The following KIF26B variants were observed in gnomAD, a reference collection of about 807,000 sequenced individuals.
KIF26B encodes kinesin-like protein KIF26B.
A neutral mutation model predicts 151.2 loss-of-function variants in KIF26B; 63 were observed. That is an observed-to-expected ratio of 0.42 (90% CI 0.34 to 0.51). The LOEUF (loss-of-function observed/expected upper bound fraction) is 0.51. Among genes scored for constraint, KIF26B ranks in the 20% least tolerant of loss-of-function variants. The pLI is 0.07. For synonymous variants in KIF26B, 1,357 were observed against 1,262.1 expected, an observed-to-expected ratio of 1.08 and a Z score of -1.59; for missense variants, 2,813 against 2,913.6, an observed-to-expected ratio of 0.97 and a Z score of 0.79.
chr1:245,557,301 A>G (rs1190667779), intron 5 of KIF26B, among the ~76,000 whole-genome samples: 1 of 152,206 alleles, frequency 6.6e-6, no homozygotes, highest in Non-Finnish European at 1.5e-5. Context: ...TTGAAGGCTA[A>G]GGTCATCCAG....
intron 5 of KIF26B, among the ~76,000 whole-genome samples, chr1:245,571,585 T>C (rs1350903710): frequency 2.0e-5 from 3 of 152,222 alleles, no homozygotes; most frequent in Admixed American, 2.0e-4. Context: ...TCAGGCTCTC[T>C]AAACACTTTA....
rs181931582 is a variant in KIF26B at position 245,487,694 on chromosome 1, C to T, written c.1167-53073C>T. On this transcript the variant is annotated intron_variant, in intron 4 of 14. Transcript: ENST00000407071. Reference sequence around the variant, plus strand: ...CAGCTCACTGCAGCCTGGACCTCGGCTCAGGTGATTCTCCTACCTACGCCT... The same window carrying T: ...CAGCTCACTGCAGCCTGGACCTCGGTTCAGGTGATTCTCCTACCTACGCCT... 1.1e-3 allele frequency among the ~76,000 whole-genome samples: 173 copies of T among 151,996 alleles called. 2 individuals carry two copies. The highest frequency in any genetic ancestry group is 3.6e-3 in the African/African-American group (149 of 41,442).
intron 5 of KIF26B, among the ~76,000 whole-genome samples, chr1:245,593,134 G>C (rs1179899938): frequency 6.6e-6 from 1 of 152,134 alleles, no homozygotes; most frequent in Non-Finnish European, 1.5e-5. Flanking sequence ...TACCAGAAAA[G>C]TATTCAAATC....
intron 4 of KIF26B, among the ~76,000 whole-genome samples, chr1:245,473,330 G>T (rs555259979): frequency 4.1e-4 from 62 of 152,264 alleles, no homozygotes; most frequent in East Asian, 3.9e-4. Flanking sequence ...TGATGTTTCT[G>T]ATTTACCTGA....
At chr1:245,388,310 G>A (rs1366164778) in intron 3 of KIF26B, among the ~76,000 whole-genome samples, 1 of 152,130 alleles carries the variant, frequency 6.6e-6, no homozygotes, top group Admixed American at 6.5e-5. Flanking sequence ...AATAGGAAAA[G>A]TACATAAAAT....
At chr1:245,409,683 C>G (rs1191386792) in intron 3 of KIF26B, among the ~76,000 whole-genome samples, 1 of 152,194 alleles carries the variant, frequency 6.6e-6, no homozygotes, top group African/African-American at 2.4e-5. Flanking sequence ...ACGTCCAGCC[C>G]TGGGACATAA....
At chr1:245,697,422 G>C (rs568882048) in intron 12 of KIF26B, among the ~76,000 whole-genome samples, 28 of 152,310 alleles carry the variant, frequency 1.8e-4, no homozygotes, top group African/African-American at 6.3e-4. Context: ...CGTAACCAGT[G>C]CATGTGAGTG....
At chr1:245,366,174 T>C (rs1234702722) in intron 2 of KIF26B, among the ~76,000 whole-genome samples, 1 of 152,188 alleles carries the variant, frequency 6.6e-6, no homozygotes, top group Non-Finnish European at 1.5e-5. Flanking sequence ...CAAATGTTTG[T>C]TCCTTCTGAT....
intron 4 of KIF26B, among the ~76,000 whole-genome samples, chr1:245,520,692 C>T (rs1442962706): frequency 6.6e-6 from 1 of 151,992 alleles, no homozygotes; most frequent in East Asian, 1.9e-4. Flanking sequence ...GTATCCACTG[C>T]ATAGCATGCA....
rs35663208 is a variant in KIF26B at position 245,679,457 on chromosome 1, G to GTTT, written c.2259-4749_2259-4747dup. Among the ~76,000 whole-genome samples the GTTT allele has an allele frequency of 5.1e-3, 302 of 59,210 alleles. 38 individuals carry two copies. Among genetic ancestry groups the GTTT allele is most frequent in the African/African-American group, 0.01 (173 of 16,824 alleles). 38.8% of individuals were successfully genotyped at this position (59,210 alleles called of 152,430 possible). On this transcript the variant is annotated intron_variant, in intron 10 of 14. Transcript: ENST00000407071. ...GGTTTTTTGTGTTTTTTTTGTGTGT[G>GTTT]TTTTTTTTTTTTTTTTTTTTTTTTT...
Position 245,371,674 on chromosome 1 carries a change from G to A in KIF26B, c.999+4307G>A, listed in dbSNP as rs186510155. ...GTCCCTCGAATCCCTCAATCCCCGT[G>A]GCCCGCACCACTGTGTAATAATCTC... On this transcript the variant is annotated intron_variant, in intron 3 of 14. Coordinates refer to ENST00000407071, the MANE Select transcript of KIF26B (RefSeq NM_018012.4). 3.3e-5 allele frequency: 5 copies of A among 152,258 alleles called. No homozygotes were observed. In the East Asian group the frequency reaches 9.7e-4, roughly 29 times the overall value. 9.4% of individuals were successfully genotyped at this position (152,258 alleles called of 1,614,324 possible).
At chr1:245,261,493 CT>C (rs1670641021) in intron 2 of KIF26B, among the ~76,000 whole-genome samples, 29 of 119,896 alleles carry the variant, frequency 2.4e-4, no homozygotes, top group Admixed American at 4.8e-4. Flanking sequence ...CTCTCTCTCT[CT>C]CTCTCTCTCC....
intron 4 of KIF26B, among the ~76,000 whole-genome samples, chr1:245,486,692 C>T (rs1257446683): frequency 6.6e-6 from 1 of 151,812 alleles, no homozygotes; most frequent in African/African-American, 2.4e-5. Context: ...TTTTTTGGGA[C>T]GAGGTCTCGC....
intron 2 of KIF26B, among the ~76,000 whole-genome samples, chr1:245,303,404 T>C (rs994455171): frequency 3.3e-5 from 5 of 151,610 alleles, no homozygotes; most frequent in Admixed American, 2.0e-4. Flanking sequence ...TTCACCGTGT[T>C]AGCCAGGATG....
intron 10 of KIF26B, among the ~76,000 whole-genome samples, chr1:245,659,409 C>T (rs933044635): frequency 4.6e-5 from 7 of 152,094 alleles, no homozygotes; most frequent in Admixed American, 2.6e-4. Flanking sequence ...CCTTTGTGCC[C>T]GCAGGCTTCC....
intron 9 of KIF26B, among the ~76,000 whole-genome samples, chr1:245,636,886 C>G (rs28863012): frequency 2.1e-5 from 3 of 140,010 alleles, no homozygotes; most frequent in Non-Finnish European, 4.6e-5. Context: ...GTGTGTGTAT[C>G]TATCTCACAT....
rs368004322 is a variant in KIF26B at position 245,698,855 on chromosome 1, A to G, written c.6028-32A>G. 43 of 1,603,482 alleles carry G rather than the reference A, an allele frequency of 2.7e-5. No homozygotes were observed. Among genetic ancestry groups the G allele is most frequent in the Non-Finnish European group, 3.6e-5 (42 of 1,172,962 alleles). ...GTGGTGTGGGCTGGGTGTGAGCAGA[A>G]GGGCCCTTTCTCCTCTCTGTCTGTG... On this transcript the variant is annotated intron_variant, in intron 13 of 14. Coordinates refer to ENST00000407071, the MANE Select transcript of KIF26B (RefSeq NM_018012.4). This position sits in a 1 kb window ranked among gnomAD's most constrained non-coding sequence, Gnocchi z 4.0.
At chr1:245,530,010 G>A (rs570639935) in intron 4 of KIF26B, among the ~76,000 whole-genome samples, 1 of 152,276 alleles carries the variant, frequency 6.6e-6, no homozygotes, top group Non-Finnish European at 1.5e-5. Context: ...TTAAAAATGG[G>A]CAAAAGATCT....
intron 4 of KIF26B, among the ~76,000 whole-genome samples, chr1:245,466,206 TG>T (rs1659787233): frequency 2.0e-5 from 3 of 152,158 alleles, no homozygotes; most frequent in African/African-American, 7.2e-5. Context: ...TTTGTTTGTT[TG>T]TTTGTTTCCC....
Sources: gnomAD v4.1 joint callset for allele counts (sites outside exome capture counted in the v4.1 genomes callset) on GRCh38, gnomAD v4.1.1 for gene constraint, Gnocchi (gnomAD v3.1) non-coding constraint, MANE v1.5 for transcripts, NCBI Gene and HGNC (gene_info 2026-07-23, HGNC 2026-07-21) for gene names.